Variants in MAD1L1 observed in about 807,000 individuals in gnomAD.
MAD1L1 encodes mitotic spindle assembly checkpoint protein MAD1.
Under a neutral mutation model 96.9 loss-of-function variants are expected in MAD1L1, and 95 were observed. The ratio of observed to expected loss-of-function variants is 0.98; its 90% CI spans 0.83 to 1.16. MAD1L1 has a LOEUF of 1.16. Ranked by LOEUF, MAD1L1 falls within the 50% of genes most tolerant of loss-of-function variation. The pLI, the probability that MAD1L1 is intolerant of heterozygous loss-of-function variation, is 0.00. For synonymous variants in MAD1L1, 473 were observed against 396.6 expected, an observed-to-expected ratio of 1.19 and a Z score of -2.29; for missense variants, 1,007 against 954.4, an observed-to-expected ratio of 1.06 and a Z score of -0.73.
chr7:1,839,256 G>A lies in MAD1L1; in HGVS notation c.1999-23028C>T, dbSNP rs185148151. 2.3e-3 allele frequency among the ~76,000 whole-genome samples: 353 copies of A among 152,244 alleles called. 2 individuals carry two copies. The highest frequency in any genetic ancestry group is 7.1e-3 in the South Asian group (34 of 4,822). ...AGGTGGGCTTGCCCGGGGTCGAGGT[G>A]GTGGTCACCGTCTAGTCCCCACCCA... is the stretch of plus-strand genomic sequence containing the variant. On this transcript the variant is annotated intron_variant, in intron 18 of 18. Transcript: ENST00000265854.
At chr7:2,141,433 A>G (rs1244485985) in intron 11 of MAD1L1, among the ~76,000 whole-genome samples, 1 of 152,196 alleles carries the variant, frequency 6.6e-6, no homozygotes, top group Non-Finnish European at 1.5e-5. Flanking sequence ...GGTGCCTCAG[A>G]CAGGCCCCCA....
In MAD1L1 at chr7:1,980,538, C is replaced by A; in HGVS notation, c.1420G>T (p.Glu474Ter). The A allele has an allele frequency of 1.2e-6, 2 of 1,609,514 alleles. No homozygotes were observed. Among genetic ancestry groups the A allele is most frequent in the East Asian group, 2.2e-5 (1 of 44,474 alleles). ...GACTTCAGCATCTTCAGCTCCATCTCCAGCTAGGAGAAAGCAAAGGATAGA... is the reference window on the plus strand; with the variant it reads ...GACTTCAGCATCTTCAGCTCCATCTACAGCTAGGAGAAAGCAAAGGATAGA... ...GGQKQRADML[E>*]MELKMLKSQS... is the part of the protein sequence containing the mutation. The change falls in exon 15 of 19, where the codon GAG becomes TAG. Residue 474 changes from glutamate to a stop codon, truncating the protein, a stop_gained. Transcript: ENST00000265854. LOFTEE classifies it high-confidence loss of function.
At position 2,084,575 on chromosome 7, in the gene MAD1L1, C is replaced by A. The variant is rs1297570849; in HGVS notation, c.1074-15237G>T. Among the ~76,000 whole-genome samples, 7 of 152,254 alleles carry A rather than the reference C, an allele frequency of 4.6e-5. No individual in the cohort carries two copies. The East Asian group carries it at 1.3e-3, about 29-fold the overall frequency. On this transcript the variant is annotated intron_variant, in intron 11 of 18. Coordinates refer to ENST00000265854, the MANE Select transcript of MAD1L1 (RefSeq NM_001013836.2). ...AGGAAACCCAGCTCAGTGCGGAGTCCTAGCCCAGAAAACCTACTTCCTGAG... is the reference window on the plus strand; with the variant it reads ...AGGAAACCCAGCTCAGTGCGGAGTCATAGCCCAGAAAACCTACTTCCTGAG...
chr7:2,185,604 T>C (rs1791420178), intron 10 of MAD1L1, among the ~76,000 whole-genome samples: 2 of 152,202 alleles, frequency 1.3e-5, no homozygotes, highest in East Asian at 1.9e-4. Context: ...ACAAAGGCAT[T>C]TTCTAAGCCA....
At chr7:2,159,860 C>T (rs1790017847) in intron 10 of MAD1L1, among the ~76,000 whole-genome samples, 1 of 152,286 alleles carries the variant, frequency 6.6e-6, no homozygotes, top group Middle Eastern at 3.4e-3. Context: ...ACACAAGAAG[C>T]GGACTATAAG....
intron 16 of MAD1L1, among the ~76,000 whole-genome samples, chr7:1,944,403 C>A (rs76421927): frequency 6.6e-6 from 1 of 152,094 alleles, no homozygotes; most frequent in South Asian, 2.1e-4. Context: ...AATGGCGGGC[C>A]GGGTGGGGAG....
At chr7:2,067,619 C>T (rs1489083620) in intron 12 of MAD1L1, among the ~76,000 whole-genome samples, 1 of 152,126 alleles carries the variant, frequency 6.6e-6, no homozygotes, top group Admixed American at 6.5e-5. Flanking sequence ...CAGTGGTCAG[C>T]CCGAACCACC....
At chr7:2,225,673 G>A in intron 3 of MAD1L1, 123 bp from the exon 4 acceptor site, 1 of 1,096,004 alleles carries the variant, frequency 9.1e-7, no homozygotes, top group Non-Finnish European at 1.3e-6. Flanking sequence ...GCTAAGTCTT[G>A]ATGTGGCCCA....
chr7:1,879,314 G>C (rs185484885), intron 18 of MAD1L1, among the ~76,000 whole-genome samples: 1 of 152,210 alleles, frequency 6.6e-6, no homozygotes, highest in Admixed American at 6.5e-5. Flanking sequence ...ACTTAGCCGG[G>C]TGTGGTGGCA....
intron 12 of MAD1L1, among the ~76,000 whole-genome samples, chr7:2,053,870 G>T (rs1284219029): frequency 2.0e-5 from 3 of 152,222 alleles, no homozygotes; most frequent in Non-Finnish European, 1.5e-5. Context: ...TGCTCCAGGG[G>T]CACCCGATTC....
chr7:2,145,570 G>A (rs1358397957), intron 11 of MAD1L1, among the ~76,000 whole-genome samples: 1 of 152,232 alleles, frequency 6.6e-6, no homozygotes, highest in Non-Finnish European at 1.5e-5. Flanking sequence ...CAGGCTGGTT[G>A]GTGGCCCAGC....
At chr7:2,078,405 G>A (rs7799538) in intron 11 of MAD1L1, among the ~76,000 whole-genome samples, 48 of 152,294 alleles carry the variant, frequency 3.2e-4, no homozygotes, top group East Asian at 7.7e-4. Context: ...GCGTGCGTCC[G>A]TCGTGAAGCA....
At position 2,092,731 on chromosome 7, in the gene MAD1L1, A is replaced by C. The variant is rs1033627616; in HGVS notation, c.1074-23393T>G. 9.2e-5 allele frequency among the ~76,000 whole-genome samples: 14 copies of C among 152,146 alleles called. 1 individual carries two copies. The highest frequency in any genetic ancestry group is 3.1e-4 in the African/African-American group (13 of 41,428). ...ATCTGACTTGTAAATATTTTCTCCC[A>C]TTCTGTGGTTTGTCTTTTCGTCCTC... On this transcript the variant is annotated intron_variant, in intron 11 of 18. Transcript: ENST00000265854.
rs1314372347 is a variant in MAD1L1 at position 2,225,453 on chromosome 7, A to T, written c.248T>A (p.Val83Glu). 1.9e-6 allele frequency: 3 copies of T among 1,613,712 alleles called. No individual in the cohort carries two copies. Among genetic ancestry groups the T allele is most frequent in the Non-Finnish European group, 1.7e-6 (2 of 1,179,988 alleles). The change falls in exon 4 of 19, where the codon GTG (valine) becomes GAG (glutamate). Residue 83 changes from valine to glutamate, a missense_variant. Transcript: ENST00000265854. Reference protein sequence around the residue: ...QMELSHKRARVELERAASTSA... With the variant: ...QMELSHKRAREELERAASTSA... ...GGTGCTGGCTGCTCTCTCCAGCTCCACTCGAGCCCTCTTGTGACTCAGCTC... is the reference window on the plus strand; with the variant it reads ...GGTGCTGGCTGCTCTCTCCAGCTCCTCTCGAGCCCTCTTGTGACTCAGCTC...
intron 18 of MAD1L1, among the ~76,000 whole-genome samples, chr7:1,863,655 C>T (rs538933364): frequency 9.2e-5 from 14 of 152,354 alleles, no homozygotes; most frequent in African/African-American, 2.9e-4. Context: ...CCTGTGTTCT[C>T]AGCTGCCCTG....
chr7:1,895,565 C>A (rs1786813818), intron 18 of MAD1L1, among the ~76,000 whole-genome samples: 1 of 152,270 alleles, frequency 6.6e-6, no homozygotes, highest in Non-Finnish European at 1.5e-5. Flanking sequence ...GCATGTCACA[C>A]ATGGGGAAAG....
intron 18 of MAD1L1, among the ~76,000 whole-genome samples, chr7:1,868,101 G>A (rs1012228590): frequency 8.5e-5 from 13 of 152,072 alleles, no homozygotes; most frequent in African/African-American, 3.1e-4. Context: ...GCTCAGAGTG[G>A]GCCCTCCTGC....
chr7:1,885,439 G>A (rs1396374330), intron 18 of MAD1L1, among the ~76,000 whole-genome samples: 2 of 152,152 alleles, frequency 1.3e-5, no homozygotes, highest in Non-Finnish European at 1.5e-5. Flanking sequence ...CCAGGCAGAG[G>A]CCAGTGCACT....
chr7:2,000,222 G>A (rs946645521), intron 14 of MAD1L1, among the ~76,000 whole-genome samples: 4 of 151,974 alleles, frequency 2.6e-5, no homozygotes, highest in Non-Finnish European at 4.4e-5. Flanking sequence ...CAGCCCTCAC[G>A]CTCTCTACCT....
Sources: gnomAD v4.1 joint callset for allele counts (sites outside exome capture counted in the v4.1 genomes callset) on GRCh38, gnomAD v4.1.1 for gene constraint, MANE v1.5 for transcripts, NCBI Gene and HGNC (gene_info 2026-07-23, HGNC 2026-07-21) for gene names.